Variants in ZBTB38 observed in about 807,000 individuals in gnomAD.
ZBTB38 encodes the protein zinc finger and BTB domain containing 38, also known as zinc finger and BTB domain-containing protein 38.
ZBTB38 carries 20 observed loss-of-function variants against 76.8 expected under a neutral mutation model. That is an observed-to-expected ratio of 0.26 (90% confidence interval 0.18 to 0.38). ZBTB38 has a LOEUF of 0.38. Ranked by LOEUF, ZBTB38 falls within the 10% of genes least tolerant of loss-of-function variation. The pLI, the probability that ZBTB38 is intolerant of heterozygous loss-of-function variation, is 1.00. For synonymous variants in ZBTB38, 504 were observed against 544.2 expected (o/e 0.93, Z 1.03); for missense variants, 1,082 against 1,482.3 (o/e 0.73, Z 4.43).
intron 1 of ZBTB38, among the ~76,000 whole-genome samples, chr3:141,344,747 C>G (rs1295368768): frequency 1.3e-5 from 2 of 152,222 alleles, no homozygotes; most frequent in East Asian, 3.8e-4. Context: ...TCACTAACTA[C>G]AATTGGGAAA....
intron 1 of ZBTB38, among the ~76,000 whole-genome samples, chr3:141,334,880 A>G (rs1048754876): frequency 1.3e-5 from 2 of 152,276 alleles, no homozygotes; most frequent in African/African-American, 4.8e-5. Flanking sequence ...TTAGCTAGAT[A>G]TGGAAGGCTA....
chr3:141,371,212 C>T (rs1300735051), intron 2 of ZBTB38, among the ~76,000 whole-genome samples: 9 of 151,594 alleles, frequency 5.9e-5, no homozygotes. Flanking sequence ...ACCACCACAC[C>T]CAGCTAATTT....
chr3:141,346,513 A>G (rs765931249), intron 1 of ZBTB38, among the ~76,000 whole-genome samples: 3 of 152,068 alleles, frequency 2.0e-5, no homozygotes, highest in Admixed American at 6.6e-5. Context: ...CATTCATCCA[A>G]GCTATTACTC....
In ZBTB38 at chr3:141,440,894, C is replaced by T. The variant is rs185498698; in HGVS notation, c.1-1495C>T. Among the ~76,000 whole-genome samples, 616 of 151,538 alleles carry T rather than the reference C, an allele frequency of 4.1e-3. 3 individuals are homozygous for T. Among genetic ancestry groups the T allele is most frequent in the African/African-American group, 0.014 (577 of 41,338 alleles). ...ACTAAAAATACAAAAATTAGCTGGGCGTGGTGGCATGCACCTGTAGTCCCA... is the reference window on the plus strand; with the variant it reads ...ACTAAAAATACAAAAATTAGCTGGGTGTGGTGGCATGCACCTGTAGTCCCA... On this transcript the variant is annotated intron_variant, in intron 5 of 5. Transcript: ENST00000321464.
At chr3:141,390,753 A>G (rs1344846041) in intron 4 of ZBTB38, among the ~76,000 whole-genome samples, 1 of 152,224 alleles carries the variant, frequency 6.6e-6, no homozygotes, top group Non-Finnish European at 1.5e-5. Flanking sequence ...CATCTGCTAC[A>G]TGCCAGGCAT....
intron 5 of ZBTB38, among the ~76,000 whole-genome samples, chr3:141,408,289 G>C (rs994173070): frequency 4.6e-5 from 7 of 152,238 alleles, no homozygotes; most frequent in African/African-American, 1.7e-4. Flanking sequence ...GCTCATGCCT[G>C]TAATCCCAGC....
chr3:141,438,847 G>A (rs909772534), intron 5 of ZBTB38, among the ~76,000 whole-genome samples: 11 of 152,042 alleles, frequency 7.2e-5, no homozygotes, highest in African/African-American at 2.7e-4. Context: ...TACATGCTGA[G>A]GCCTGCCATG....
chr3:141,386,248 G>C (rs538992152), intron 3 of ZBTB38, among the ~76,000 whole-genome samples: 2 of 152,160 alleles, frequency 1.3e-5, no homozygotes, highest in Non-Finnish European at 2.9e-5. Flanking sequence ...GTTCATGATG[G>C]TCAGCTATAC....
upstream of ZBTB38, among the ~76,000 whole-genome samples, chr3:141,366,077 GTACT>G (rs1943956051): frequency 6.6e-6 from 1 of 152,148 alleles, no homozygotes; most frequent in Admixed American, 6.5e-5. Context: ...AAGTGCCATT[GTACT>G]TACTTCTCTG....
At chr3:141,352,919 A>AC (rs1376559291) in intron 1 of ZBTB38, among the ~76,000 whole-genome samples, 1 of 151,914 alleles carries the variant, frequency 6.6e-6, no homozygotes, top group Non-Finnish European at 1.5e-5. Context: ...TAACATAAGA[A>AC]CCCCCAAATA....
At chr3:141,390,188 CA>C (rs1948428934) in intron 4 of ZBTB38, among the ~76,000 whole-genome samples, 1 of 152,180 alleles carries the variant, frequency 6.6e-6, no homozygotes, top group African/African-American at 2.4e-5. Flanking sequence ...TACCCATTTA[CA>C]ATTATTATTG....
chr3:141,332,625 G>A (rs1009754872), intron 1 of ZBTB38, among the ~76,000 whole-genome samples: 6 of 152,164 alleles, frequency 3.9e-5, no homozygotes, highest in Admixed American at 3.9e-4. Context: ...TGTAGATAAG[G>A]ATGAAACGAT....
At chr3:141,399,606 G>A (rs1432070458) in intron 4 of ZBTB38, among the ~76,000 whole-genome samples, 1 of 151,802 alleles carries the variant, frequency 6.6e-6, no homozygotes, top group Non-Finnish European at 1.5e-5. Context: ...AGGGAAAGAG[G>A]AAAAAAAGTA....
chr3:141,331,117 T>C (rs1335329226), intron 1 of ZBTB38, among the ~76,000 whole-genome samples: 4 of 152,240 alleles, frequency 2.6e-5, no homozygotes, highest in African/African-American at 9.6e-5. Context: ...CTCTTTGAAC[T>C]TTTGCTTATA....
chr3:141,438,876 C>T (rs779348694), intron 5 of ZBTB38, among the ~76,000 whole-genome samples: 10 of 152,050 alleles, frequency 6.6e-5, no homozygotes, highest in African/African-American at 1.2e-4. Context: ...CCCACATAGA[C>T]GCTGTCGACT....
At chr3:141,440,966 G>A (rs559320203) in intron 5 of ZBTB38, among the ~76,000 whole-genome samples, 7 of 150,728 alleles carry the variant, frequency 4.6e-5, no homozygotes, top group Non-Finnish European at 7.4e-5. Flanking sequence ...CCCTGGAGCC[G>A]GAAGTTGCAG....
At position 141,444,193 on chromosome 3, in the gene ZBTB38, C is replaced by A. The variant is rs1245565024; in HGVS notation, c.1805C>A (p.Thr602Asn). Residue 602 changes from threonine to asparagine, a missense_variant, in exon 6 of 6, where the codon ACC becomes AAC. By Grantham distance (65) the Thr-to-Asn change is moderately conservative. This residue lies in a region of ZBTB38 where 471 missense variants were observed against 581.0 expected (regional missense o/e 0.81). Coordinates refer to ENST00000321464, the MANE Select transcript of ZBTB38 (RefSeq NM_001376113.1). This position sits in a 1 kb window ranked among gnomAD's most constrained non-coding sequence, Gnocchi z 5.1. ...NSQMNESAPG[T>N]YVVQNPHSSE... is the part of the protein sequence containing the mutation. ...CAAATGAATGAGTCTGCACCTGGTA[C>A]CTATGTTGTTCAGAATCCACACAGC... 6.2e-7 allele frequency: 1 copy of A among 1,614,170 alleles called. No individual in the cohort carries two copies. Among genetic ancestry groups the A allele is most frequent in the Non-Finnish European group, 8.5e-7 (1 of 1,180,028 alleles).
At chr3:141,340,949 G>GGAAAGGAA (rs1943166999) in intron 1 of ZBTB38, among the ~76,000 whole-genome samples, 5 of 111,928 alleles carry the variant, frequency 4.5e-5, no homozygotes, top group Non-Finnish European at 8.6e-5. Context: ...AAAGAAAGAA[G>GGAAAGGAA]GAAAGAAAGA....
At chr3:141,399,571 T>C (rs1359916900) in intron 4 of ZBTB38, among the ~76,000 whole-genome samples, 2 of 152,072 alleles carry the variant, frequency 1.3e-5, no homozygotes, top group African/African-American at 4.8e-5. Flanking sequence ...GGCCAAGTTA[T>C]AGAATTTGGT....
Sources: allele counts gnomAD v4.1 joint callset (sites outside exome capture counted in the v4.1 genomes callset), GRCh38; gene constraint gnomAD v4.1.1; regional missense constraint gnomAD v4.1.1; non-coding constraint Gnocchi (gnomAD v3.1); transcripts MANE v1.5; gene names NCBI Gene and HGNC (gene_info 2026-07-23, HGNC 2026-07-21).